WDR72: variants seen among roughly 807,000 people sequenced by gnomAD.
The protein encoded by WDR72 is WD repeat domain 72, also known as WD repeat-containing protein 72.
WDR72 carries 120 observed loss-of-function variants against 124.2 expected under a neutral mutation model. The ratio of observed to expected loss-of-function variants is 0.97; its 90% confidence interval spans 0.83 to 1.12. The LOEUF is 1.12. WDR72 is among the 50% of genes most tolerant of loss of function. The pLI, the probability that WDR72 is intolerant of heterozygous loss-of-function variation, is 0.00. For synonymous variants in WDR72, 452 were observed against 441.7 expected, an observed-to-expected ratio of 1.02 and a Z score of -0.29; for missense variants, 1,387 against 1,278.8, an observed-to-expected ratio of 1.08 and a Z score of -1.29.
At chr15:53,569,388 TG>T (rs138515773) in intron 18 of WDR72, among the ~76,000 whole-genome samples, 14,174 of 152,072 alleles carry the variant, frequency 0.093, 811 homozygotes, top group African/African-American at 0.15. Context: ...CAAAATGGTG[TG>T]GACAAGACTG....
At position 53,613,695 on chromosome 15, in the gene WDR72, A is replaced by T; in HGVS notation, c.2843T>A (p.Met948Lys). Residue 948 changes from methionine to lysine, a missense_variant, in exon 16 of 20, where the codon ATG becomes AAG. Coordinates refer to ENST00000360509, the MANE Select transcript of WDR72 (RefSeq NM_182758.4). ...TCGTAAGCAACTGTAGAAGCTTGAC[A>T]TATTTAAAATGTCATTCCCAGCACC... ...MRGAGNDILNMSSFYSCLRNG... is the reference protein window; with the variant it reads ...MRGAGNDILNKSSFYSCLRNG... 1 of 1,610,986 alleles carries T rather than the reference A, an allele frequency of 6.2e-7. No homozygotes were observed. The highest frequency in any genetic ancestry group is 8.5e-7 in the Non-Finnish European group (1 of 1,178,204).
chr15:53,701,780 GTATC>G, intron 12 of WDR72, among the ~76,000 whole-genome samples: 1 of 152,012 alleles, frequency 6.6e-6, no homozygotes. Flanking sequence ...TTTGCCTTGA[GTATC>G]TACTTTTTTA....
At chr15:53,591,976 A>C (rs983836822) in intron 18 of WDR72, among the ~76,000 whole-genome samples, 1 of 152,048 alleles carries the variant, frequency 6.6e-6, no homozygotes, top group Non-Finnish European at 1.5e-5. Context: ...ATCTTCCACT[A>C]TATCTTCAGC....
At chr15:53,680,026 T>C (rs1290228554) in intron 13 of WDR72, among the ~76,000 whole-genome samples, 1 of 152,168 alleles carries the variant, frequency 6.6e-6, no homozygotes. Context: ...TATGTTGCTT[T>C]ACTACAAACT....
At chr15:53,706,834 C>A (rs571442442) in intron 9 of WDR72, among the ~76,000 whole-genome samples, 177 of 151,786 alleles carry the variant, frequency 1.2e-3, no homozygotes, top group African/African-American at 4.1e-3. Flanking sequence ...TAATGTTATA[C>A]ATTATATAAA....
chr15:53,690,008 T>C (rs928319125), intron 13 of WDR72, among the ~76,000 whole-genome samples: 13 of 139,488 alleles, frequency 9.3e-5, no homozygotes, highest in Non-Finnish European at 1.7e-4. Flanking sequence ...TAGGTGGGAA[T>C]TGAACAATTA....
chr15:53,746,529 G>C (rs964185374), intron 1 of WDR72, among the ~76,000 whole-genome samples: 4 of 152,206 alleles, frequency 2.6e-5, no homozygotes, highest in East Asian at 3.8e-4. Context: ...AATAATATGA[G>C]CTTTGAGATA....
At chr15:53,752,525 G>A (rs192781354) in intron 1 of WDR72, among the ~76,000 whole-genome samples, 1 of 152,282 alleles carries the variant, frequency 6.6e-6, no homozygotes, top group African/African-American at 2.4e-5. Flanking sequence ...CAAACCACGA[G>A]AAGCTAAGTG....
At chr15:53,661,019 T>C (rs1378314664) in intron 14 of WDR72, among the ~76,000 whole-genome samples, 2 of 152,230 alleles carry the variant, frequency 1.3e-5, no homozygotes, top group Non-Finnish European at 2.9e-5. Flanking sequence ...GCATCACCTC[T>C]AGTCCACTGC....
chr15:53,611,583 G>C (rs989252463), intron 16 of WDR72, among the ~76,000 whole-genome samples: 21 of 152,044 alleles, frequency 1.4e-4, no homozygotes, highest in Non-Finnish European at 2.9e-5. Flanking sequence ...CCAGACTGGG[G>C]CTATTTAGAT....
intron 18 of WDR72, among the ~76,000 whole-genome samples, chr15:53,559,045 T>C (rs1039742311): frequency 2.0e-5 from 3 of 152,062 alleles, no homozygotes; most frequent in Non-Finnish European, 4.4e-5. Context: ...TTTATCAATG[T>C]ATGATTCAAA....
chr15:53,585,404 T>A (rs140993958), intron 18 of WDR72, among the ~76,000 whole-genome samples: 26 of 152,060 alleles, frequency 1.7e-4, no homozygotes, highest in Non-Finnish European at 2.9e-4. Flanking sequence ...TCCAATCACC[T>A]CCCTCTCTTG....
chr15:53,576,965 A>G lies in WDR72; in HGVS notation c.3148+20114T>C, dbSNP rs551245349. On this transcript the variant is annotated intron_variant, in intron 18 of 19. Coordinates refer to ENST00000360509, the MANE Select transcript of WDR72 (RefSeq NM_182758.4). ...TAAAGCATTGTCTAAGTCAAACAGA[A>G]TGTACTTGTAAGGGATCAGTTTGAA... Among the ~76,000 whole-genome samples, 7 of 152,142 alleles carry G rather than the reference A, an allele frequency of 4.6e-5. 1 individual carries two copies. Among genetic ancestry groups the G allele is most frequent in the Non-Finnish European group, 1.0e-4 (7 of 68,038 alleles).
intron 2 of WDR72, among the ~76,000 whole-genome samples, chr15:53,727,770 T>A (rs1283631373): frequency 1.3e-5 from 2 of 152,226 alleles, no homozygotes; most frequent in African/African-American, 4.8e-5. Context: ...TATGAAGTCC[T>A]CATTCTATTA....
intron 13 of WDR72, among the ~76,000 whole-genome samples, chr15:53,686,244 C>G (rs1426979249): frequency 4.6e-5 from 7 of 151,708 alleles, no homozygotes; most frequent in African/African-American, 1.5e-4. Context: ...CTAAATGCTC[C>G]CATTAAAAGA....
chr15:53,660,320 T>C (rs564717910), intron 14 of WDR72, among the ~76,000 whole-genome samples: 119 of 152,274 alleles, frequency 7.8e-4, no homozygotes, highest in Non-Finnish European at 1.2e-3. Context: ...TTAATACTTT[T>C]ACAAGTATAT....
At chr15:53,651,109 G>C (rs181210619) in intron 14 of WDR72, among the ~76,000 whole-genome samples, 1 of 151,898 alleles carries the variant, frequency 6.6e-6, no homozygotes, top group African/African-American at 2.4e-5. Flanking sequence ...TACTCCTCTT[G>C]AGTCACACTG....
intron 18 of WDR72, among the ~76,000 whole-genome samples, chr15:53,545,204 C>A (rs556794677): frequency 8.5e-4 from 129 of 151,254 alleles, no homozygotes; most frequent in African/African-American, 2.9e-3. Flanking sequence ...CGCATCGCCA[C>A]GGGAATCCTA....
intron 14 of WDR72, among the ~76,000 whole-genome samples, chr15:53,651,332 C>T (rs2015233134): frequency 6.6e-6 from 1 of 152,184 alleles, no homozygotes; most frequent in African/African-American, 2.4e-5. Context: ...ATCAAACTGC[C>T]CAACATTAAT....
Sources: gnomAD v4.1 joint callset for allele counts (sites outside exome capture counted in the v4.1 genomes callset) on GRCh38, gnomAD v4.1.1 for gene constraint, MANE v1.5 for transcripts, NCBI Gene and HGNC (gene_info 2026-07-23, HGNC 2026-07-21) for gene names.